TP53BP2: variants seen among roughly 807,000 people sequenced by gnomAD.
TP53BP2 encodes the protein tumor protein p53 binding protein 2.
A neutral mutation model predicts 126.2 loss-of-function variants in TP53BP2; 62 were observed. That is an observed-to-expected ratio of 0.49 (90% CI 0.40 to 0.61). The LOEUF (loss-of-function observed/expected upper bound fraction) is 0.61, where lower values mean the gene tolerates loss of function less well. TP53BP2 is among the 20% of genes least tolerant of loss of function. The pLI is 0.00. For synonymous variants in TP53BP2, 485 were observed against 502.9 expected (o/e 0.96, Z 0.48); for missense variants, 1,215 against 1,402.8 (o/e 0.87, Z 2.14).
At chr1:223,822,210 G>A (rs1157552773) in intron 1 of TP53BP2, among the ~76,000 whole-genome samples, 6 of 148,068 alleles carry the variant, frequency 4.1e-5, no homozygotes, top group South Asian at 2.2e-4. Context: ...CACTGCGCCC[G>A]GCCAAAAAAT....
chr1:223,805,335 A>T (rs1662675265), intron 5 of TP53BP2, among the ~76,000 whole-genome samples: 1 of 152,150 alleles, frequency 6.6e-6, no homozygotes, highest in Admixed American at 6.6e-5. Context: ...TCAACAACCA[A>T]TCTTTTTGAC....
intron 1 of TP53BP2, among the ~76,000 whole-genome samples, chr1:223,837,620 A>T (rs1176639064): frequency 6.7e-6 from 1 of 149,724 alleles, no homozygotes; most frequent in African/African-American, 2.5e-5. Context: ...TAAAAAATAA[A>T]AAATAAATAA....
chr1:223,795,558 G>C (rs1239745614), intron 13 of TP53BP2, among the ~76,000 whole-genome samples: 1 of 152,164 alleles, frequency 6.6e-6, no homozygotes, highest in Non-Finnish European at 1.5e-5. Flanking sequence ...ATCAGCTAGA[G>C]AAGAAACAGC....
chr1:223,801,350 T>C (rs905242323), intron 9 of TP53BP2, among the ~76,000 whole-genome samples: 1 of 152,258 alleles, frequency 6.6e-6, no homozygotes, highest in Admixed American at 6.5e-5. Context: ...ATGGTACTAT[T>C]GCTTCACAGT....
At position 223,793,463 on chromosome 1, in the gene TP53BP2, A is replaced by T. The variant is rs1182400854; in HGVS notation, c.2725-23T>A. The T allele has an allele frequency of 2.6e-6, 4 of 1,543,378 alleles. No homozygotes were observed. The East Asian group carries it at 9.5e-5, about 37-fold the overall frequency. On this transcript the variant is annotated intron_variant, in intron 13 of 17. Coordinates refer to ENST00000343537, the MANE Select transcript of TP53BP2 (RefSeq NM_001031685.3). The stretch of plus-strand genomic sequence containing the variant: ...ACCCTGCAAAGAAAATGGGTGGAAA[A>T]TTTAGGATCCTCGTCTATGCAAGAG...
At chr1:223,784,380 T>C (rs1452186571) in intron 16 of TP53BP2, 66 bp from the exon 17 acceptor site, 3 of 1,499,366 alleles carry the variant, frequency 2.0e-6, no homozygotes, top group African/African-American at 2.8e-5. Context: ...CTACAACTTT[T>C]AGCTATATGA....
intron 5 of TP53BP2, 62 bp from the exon 6 acceptor site, chr1:223,804,410 T>G (rs1053861097): frequency 6.8e-7 from 1 of 1,463,230 alleles, no homozygotes; most frequent in Non-Finnish European, 9.5e-7. Context: ...AAGCTCAAAA[T>G]AGCCTAACTG....
chr1:223,845,631 G>A (rs1304320450), intron 1 of TP53BP2, 23 bp downstream of exon 1: 1 of 1,547,336 alleles, frequency 6.5e-7, no homozygotes, highest in Non-Finnish European at 8.7e-7. Flanking sequence ...CGGGCCCGAC[G>A]CCCTGGCCGC....
chr1:223,799,826 A>C (rs964778152), intron 11 of TP53BP2, 73 bp downstream of exon 11: 2 of 1,371,928 alleles, frequency 1.5e-6, no homozygotes, highest in Admixed American at 5.1e-5. Flanking sequence ...CCCTCACACA[A>C]TACTTTATCC....
intron 16 of TP53BP2, among the ~76,000 whole-genome samples, chr1:223,786,457 C>T (rs1382311295): frequency 6.6e-6 from 1 of 151,990 alleles, no homozygotes; most frequent in Admixed American, 6.5e-5. Flanking sequence ...AAGAATCTGA[C>T]CAAATATCCC....
At chr1:223,833,291 A>T (rs1217254241) in intron 1 of TP53BP2, among the ~76,000 whole-genome samples, 1 of 152,228 alleles carries the variant, frequency 6.6e-6, no homozygotes, top group African/African-American at 2.4e-5. Context: ...GAGTTTATTT[A>T]AAGCAAAATC....
At chr1:223,843,034 G>C (rs1664154719) in intron 1 of TP53BP2, among the ~76,000 whole-genome samples, 1 of 152,158 alleles carries the variant, frequency 6.6e-6, no homozygotes, top group African/African-American at 2.4e-5. Flanking sequence ...GATTTGCAGA[G>C]CTTGCTACTT....
intron 6 of TP53BP2, 49 bp from the exon 7 acceptor site, chr1:223,803,501 T>A (rs1442390248): frequency 6.6e-7 from 1 of 1,520,150 alleles, no homozygotes; most frequent in African/African-American, 1.4e-5. Context: ...AAAATAAGAA[T>A]GGACTACTTC....
chr1:223,802,644 T>C (rs777341161), intron 8 of TP53BP2, 87 bp downstream of exon 8: 2 of 1,465,348 alleles, frequency 1.4e-6, no homozygotes, highest in Non-Finnish European at 1.9e-6. Flanking sequence ...TGAGTAATGA[T>C]TCTGAAGAAG....
intron 16 of TP53BP2, among the ~76,000 whole-genome samples, chr1:223,788,294 G>C (rs1662039420): frequency 1.3e-5 from 2 of 152,136 alleles, no homozygotes; most frequent in African/African-American, 2.4e-5. Flanking sequence ...GAAAACTTGA[G>C]CAGTATGGAG....
intron 1 of TP53BP2, among the ~76,000 whole-genome samples, chr1:223,835,716 A>G (rs768907135): frequency 2.2e-4 from 33 of 152,178 alleles, no homozygotes; most frequent in Non-Finnish European, 4.0e-4. Flanking sequence ...TAACTCAAAC[A>G]ATATTTATTA....
chr1:223,802,066 G>A lies in TP53BP2; in HGVS notation c.1225+50C>T, dbSNP rs762725995. ...AGATTTTTTTTAAACTCAAACTTGG[G>A]AGAAAGAATAGTGGGGACAGGAAGA... On this transcript the variant is annotated intron_variant, in intron 9 of 17. Transcript: ENST00000343537. 7.2e-6 allele frequency: 11 copies of A among 1,528,170 alleles called. No individual in the cohort carries two copies. The South Asian group carries it at 1.1e-4, about 15-fold the overall frequency. 94.7% of individuals were successfully genotyped at this position (1,528,170 alleles called of 1,614,324 possible).
chr1:223,800,108 CG>C (rs1388758585), intron 10 of TP53BP2, 61 bp from the exon 11 acceptor site: 1 of 1,486,090 alleles, frequency 6.7e-7, no homozygotes, highest in African/African-American at 1.4e-5. Context: ...CTCATTCACT[CG>C]TAAGTTTCTC....
chr1:223,817,700 CG>C (rs1663136295), intron 2 of TP53BP2, among the ~76,000 whole-genome samples: 1 of 151,832 alleles, frequency 6.6e-6, no homozygotes, highest in Non-Finnish European at 1.5e-5. Flanking sequence ...CTGAGGCAGG[CG>C]GATCACTTGA....
Sources: gnomAD v4.1 joint callset for allele counts (sites outside exome capture counted in the v4.1 genomes callset) on GRCh38, gnomAD v4.1.1 for gene constraint, MANE v1.5 for transcripts, NCBI Gene and HGNC (gene_info 2026-07-23, HGNC 2026-07-21) for gene names.